The following JAKMIP1 variants were observed in gnomAD, a reference collection of about 807,000 sequenced individuals.
JAKMIP1 encodes the protein janus kinase and microtubule interacting protein 1, also known as janus kinase and microtubule-interacting protein 1.
A neutral mutation model predicts 113.0 loss-of-function variants in JAKMIP1; 33 were observed. The observed-to-expected ratio is 0.29, with a 90% confidence interval of 0.22 to 0.39. JAKMIP1 has a LOEUF of 0.39. Ranked by LOEUF, JAKMIP1 falls within the 10% of genes least tolerant of loss-of-function variation. The pLI is 1.00. For synonymous variants in JAKMIP1, 480 were observed against 459.9 expected (o/e 1.04, Z -0.56); for missense variants, 813 against 1,080.5 (o/e 0.75, Z 3.47).
At chr4:6,090,502 C>A (rs983272052) in intron 3 of JAKMIP1, among the ~76,000 whole-genome samples, 1 of 152,196 alleles carries the variant, frequency 6.6e-6, no homozygotes, top group African/African-American at 2.4e-5. Flanking sequence ...TTTGTTACAG[C>A]TGCCCCCAGG....
Position 6,180,259 on chromosome 4 carries a change from G to C in JAKMIP1, c.-148+19994C>G, listed in dbSNP as rs982698238. On this transcript the variant is annotated intron_variant, in intron 1 of 20. Coordinates refer to ENST00000409021, the MANE Select transcript of JAKMIP1 (RefSeq NM_001099433.2). The surrounding 1 kb of genome is among the most constrained non-coding windows in gnomAD (Gnocchi z 4.5). ...ATAATTTCTGATAAAATTGCTACTCGTAACATTCAGAACCCACAAAAAATT... is the reference window on the plus strand; with the variant it reads ...ATAATTTCTGATAAAATTGCTACTCCTAACATTCAGAACCCACAAAAAATT... Among the ~76,000 whole-genome samples the C allele has an allele frequency of 1.3e-5, 2 of 152,112 alleles. No homozygotes were observed. Among genetic ancestry groups the C allele is most frequent in the Non-Finnish European group, 2.9e-5 (2 of 68,030 alleles).
intron 16 of JAKMIP1, among the ~76,000 whole-genome samples, chr4:6,043,177 C>G (rs1714562988): frequency 6.6e-6 from 1 of 152,006 alleles, no homozygotes; most frequent in African/African-American, 2.4e-5. Flanking sequence ...CTGCCAGGCC[C>G]CAGCTGCGGA....
Position 6,078,848 on chromosome 4 carries a change from C to A in JAKMIP1, c.1302+91G>T. The A allele has an allele frequency of 3.2e-6, 4 of 1,255,590 alleles. No individual in the cohort carries two copies. In the South Asian group the frequency reaches 4.8e-5, roughly 15 times the overall value. 77.8% of individuals were successfully genotyped at this position (1,255,590 alleles called of 1,614,324 possible). ...GATGTGTGTGTCTGCTTCAGGACCC[C>A]TCTGTAAAACCTCCCCACTCCACGA... On this transcript the variant is annotated intron_variant, in intron 8 of 20. Transcript: ENST00000409021.
Position 6,185,739 on chromosome 4 carries a change from G to A in JAKMIP1, c.-148+14514C>T, listed in dbSNP as rs1726589004. On this transcript the variant is annotated intron_variant, in intron 1 of 20. Coordinates refer to ENST00000409021, the MANE Select transcript of JAKMIP1 (RefSeq NM_001099433.2). This position sits in a 1 kb window ranked among gnomAD's most constrained non-coding sequence, Gnocchi z 5.3. ...ACCTGTGGTTCTGAGCTGCTCCCAGGTGAGGCTGCTGCTGGCCCAGGACCT... is the reference window on the plus strand; with the variant it reads ...ACCTGTGGTTCTGAGCTGCTCCCAGATGAGGCTGCTGCTGGCCCAGGACCT... Among the ~76,000 whole-genome samples the A allele has an allele frequency of 6.6e-6, 1 of 152,166 alleles. No homozygotes were observed. Among genetic ancestry groups the A allele is most frequent in the African/African-American group, 2.4e-5 (1 of 41,442 alleles).
intron 1 of JAKMIP1, among the ~76,000 whole-genome samples, chr4:6,119,297 A>G (rs983093598): frequency 2.0e-5 from 3 of 152,068 alleles, no homozygotes; most frequent in South Asian, 2.1e-4. Context: ...TAATCCCAGC[A>G]CTTTGGGAGG....
At chr4:6,084,166 A>T (rs994699559) in intron 5 of JAKMIP1, among the ~76,000 whole-genome samples, 1 of 151,992 alleles carries the variant, frequency 6.6e-6, no homozygotes, top group African/African-American at 2.4e-5. Context: ...AAATGTACAA[A>T]ATTAGCCGGG....
chr4:6,032,858 G>A (rs35263128), intron 19 of JAKMIP1, among the ~76,000 whole-genome samples: 7,257 of 152,264 alleles, frequency 0.048, 246 homozygotes, highest in Non-Finnish European at 0.077. Context: ...GGGTCTCAGC[G>A]GGAGGCGGGG....
chr4:6,169,603 TTGTGTG>T lies in JAKMIP1; in HGVS notation c.-148+30644_-148+30649del, dbSNP rs71173413. ...AATTTGTTACACCAGCCCTAGGAAA[TTGTGTG>T]TGTGTGTGTGTGTGTGTGTGTGTGT... is the stretch of plus-strand genomic sequence containing the variant. On this transcript the variant is annotated intron_variant, in intron 1 of 20. Transcript: ENST00000409021. 2.2e-3 allele frequency among the ~76,000 whole-genome samples: 309 copies of T among 137,362 alleles called. 3 individuals are homozygous for T. The highest frequency in any genetic ancestry group is 6.9e-3 in the Middle Eastern group (2 of 288). The allele number at this position is 137,362 out of a possible 152,430, so 90.1% of individuals were successfully genotyped here.
chr4:6,038,455 C>T (rs1318680561), intron 18 of JAKMIP1, among the ~76,000 whole-genome samples: 7 of 147,638 alleles, frequency 4.7e-5, no homozygotes, highest in East Asian at 1.9e-4. Flanking sequence ...AGAGGCTAAC[C>T]GGTATCCCTC....
intron 13 of JAKMIP1, among the ~76,000 whole-genome samples, chr4:6,052,095 A>C (rs1158611092): frequency 6.6e-6 from 1 of 152,124 alleles, no homozygotes; most frequent in Non-Finnish European, 1.5e-5. Flanking sequence ...GACTGAAGGA[A>C]AGAGGGAGGG....
At chr4:6,054,179 A>T in intron 12 of JAKMIP1, 31 bp from the exon 13 acceptor site, 1 of 1,612,526 alleles carries the variant, frequency 6.2e-7, no homozygotes, top group Non-Finnish European at 8.5e-7. Context: ...GATTAACAGG[A>T]TGGGTGGGAG....
chr4:6,112,880 C>T lies in JAKMIP1; in HGVS notation c.-30G>A, dbSNP rs1430531377. 6.8e-6 allele frequency: 11 copies of T among 1,610,002 alleles called. No individual in the cohort carries two copies. Among genetic ancestry groups the T allele is most frequent in the Non-Finnish European group, 9.3e-6 (11 of 1,178,348 alleles). On this transcript the variant is annotated 5_prime_UTR_variant, in exon 2 of 21. Coordinates refer to ENST00000409021, the MANE Select transcript of JAKMIP1 (RefSeq NM_001099433.2). ...CCCCTTGGGTCAGAGTGCTGAGATC[C>T]TGCGGTCCACACCTGTTCACGCACG...
intron 8 of JAKMIP1, 121 bp downstream of exon 8, chr4:6,078,818 G>T: frequency 1.2e-6 from 1 of 841,418 alleles, no homozygotes. Context: ...CATCAGGCAT[G>T]CAGAGATGTG....
At position 6,142,869 on chromosome 4, in the gene JAKMIP1, G is replaced by A. The variant is rs1483170687; in HGVS notation, c.-147-29872C>T. ...AGGTGAGGAAACGGAGGATGGAAAG[G>A]TTTAAGGGACATGGCCGGCAATGAC... On this transcript the variant is annotated intron_variant, in intron 1 of 20. Transcript: ENST00000409021. This position sits in a 1 kb window ranked among gnomAD's most constrained non-coding sequence, Gnocchi z 5.5. Among the ~76,000 whole-genome samples the A allele has an allele frequency of 2.6e-5, 4 of 152,182 alleles. No homozygotes were observed. Among genetic ancestry groups the A allele is most frequent in the Non-Finnish European group, 4.4e-5 (3 of 68,032 alleles).
chr4:6,155,630 A>G lies in JAKMIP1; in HGVS notation c.-147-42633T>C, dbSNP rs1722139209. ...TACGCGCATATTCAGCTGCAGGGAC[A>G]TGCACGGATGTGCTGTTTACAACAA... On this transcript the variant is annotated intron_variant, in intron 1 of 20. Transcript: ENST00000409021. The surrounding 1 kb of genome is among the most constrained non-coding windows in gnomAD (Gnocchi z 6.1). 6.6e-6 allele frequency among the ~76,000 whole-genome samples: 1 copy of G among 152,260 alleles called. No homozygotes were observed. Among genetic ancestry groups the G allele is most frequent in the African/African-American group, 2.4e-5 (1 of 41,474 alleles).
intron 5 of JAKMIP1, among the ~76,000 whole-genome samples, chr4:6,082,838 G>A (rs1436712835): frequency 6.6e-6 from 1 of 152,124 alleles, no homozygotes; most frequent in Non-Finnish European, 1.5e-5. Context: ...CCACCACTGG[G>A]AAGAGAGGTG....
At chr4:6,191,913 T>TTTTATTTATTTATTTATTTA (rs55740817) in intron 1 of JAKMIP1, among the ~76,000 whole-genome samples, 32,088 of 140,796 alleles carry the variant, frequency 0.23, 3,992 homozygotes, top group South Asian at 0.32. Flanking sequence ...CAGGAGTGCA[T>TTTTATTTATTTATTTATTTA]TTTATTTATT....
chr4:6,124,211 G>A (rs931834177), intron 1 of JAKMIP1, among the ~76,000 whole-genome samples: 1 of 152,182 alleles, frequency 6.6e-6, no homozygotes, highest in South Asian at 2.1e-4. Flanking sequence ...GAGGGCTGGC[G>A]ACCATTGCTA....
rs1327276373 is a variant in JAKMIP1, at chr4:6,082,000, G to A, written c.955-245C>T. On this transcript the variant is annotated intron_variant, in intron 5 of 20. Coordinates refer to ENST00000409021, the MANE Select transcript of JAKMIP1 (RefSeq NM_001099433.2). The surrounding 1 kb of genome is among the most constrained non-coding windows in gnomAD (Gnocchi z 4.6). Reference sequence around the variant, plus strand: ...ACATGGTGAGAATTGAATGCATAGTGGTAGTCTCCCAGTGTTATTTTCATG... The same window carrying A: ...ACATGGTGAGAATTGAATGCATAGTAGTAGTCTCCCAGTGTTATTTTCATG... Among the ~76,000 whole-genome samples the A allele has an allele frequency of 6.6e-6, 1 of 152,112 alleles. No individual in the cohort carries two copies. The highest frequency in any genetic ancestry group is 1.9e-4 in the East Asian group (1 of 5,186).
Sources: gnomAD v4.1 joint callset for allele counts (sites outside exome capture counted in the v4.1 genomes callset) on GRCh38, gnomAD v4.1.1 for gene constraint, Gnocchi (gnomAD v3.1) non-coding constraint, MANE v1.5 for transcripts, NCBI Gene and HGNC (gene_info 2026-07-23, HGNC 2026-07-21) for gene names.